XPO7: variants seen among roughly 807,000 people sequenced by gnomAD.
The protein encoded by XPO7 is exportin 7, also known as exportin-7.
A neutral mutation model predicts 144.3 loss-of-function variants in XPO7; 21 were observed. The ratio of observed to expected loss-of-function variants is 0.15; its 90% CI spans 0.10 to 0.21. The LOEUF is 0.21. XPO7 is among the 10% of genes least tolerant of loss of function. XPO7 has a pLI of 1.00. For missense variants in XPO7, 808 were observed against 1,325.8 expected, an observed-to-expected ratio of 0.61 and a Z score of 6.06; for synonymous variants, 580 against 499.6, an observed-to-expected ratio of 1.16 and a Z score of -2.15.
rs1438812845 is a variant in XPO7, at chr8:21,985,917, A to G, written c.1577+226A>G. On this transcript the variant is annotated intron_variant, in intron 13 of 27. Coordinates refer to ENST00000252512, the MANE Select transcript of XPO7 (RefSeq NM_015024.5). The stretch of plus-strand genomic sequence containing the variant: ...GAAATAATGGATACGGAATTAGGAA[A>G]ACTAAAGCAGAGATTCTCTGTTAGG... 4.6e-5 allele frequency among the ~76,000 whole-genome samples: 7 copies of G among 152,248 alleles called. No individual in the cohort carries two copies. The East Asian group carries it at 1.2e-3, about 25-fold the overall frequency.
At chr8:22,003,415 CGGT>C (rs752973678) in intron 26 of XPO7, 98 bp downstream of exon 26, 145 of 905,654 alleles carry the variant, frequency 1.6e-4, no homozygotes, top group Middle Eastern at 1.6e-3. Flanking sequence ...AAACACCCCA[CGGT>C]GGTGAAACAG....
chr8:21,981,992 T>C, intron 10 of XPO7, 115 bp downstream of exon 10: 1 of 1,379,672 alleles, frequency 7.2e-7, no homozygotes, highest in Non-Finnish European at 1.0e-6. Context: ...ATAAGTCCAG[T>C]ATAGCCCTAC....
At chr8:21,933,395 C>T (rs1001230227) in intron 1 of XPO7, among the ~76,000 whole-genome samples, 4 of 151,766 alleles carry the variant, frequency 2.6e-5, no homozygotes, top group African/African-American at 4.8e-5. Context: ...CCACTGCGCC[C>T]GGCCCCTCCT....
At chr8:21,939,776 A>G (rs1388265025) in intron 1 of XPO7, among the ~76,000 whole-genome samples, 4 of 152,242 alleles carry the variant, frequency 2.6e-5, no homozygotes, top group African/African-American at 9.6e-5. Flanking sequence ...AGACCAAATC[A>G]TAACATGCTT....
intron 23 of XPO7, 29 bp downstream of exon 23, chr8:21,999,334 T>G (rs1450000390): frequency 6.2e-7 from 1 of 1,610,108 alleles, no homozygotes; most frequent in Non-Finnish European, 8.5e-7. Context: ...TGCCACAATC[T>G]TGTTCCTCAT....
At chr8:21,995,332 T>C (rs1812910644) in intron 20 of XPO7, among the ~76,000 whole-genome samples, 160 bp from the exon 21 acceptor site, 1 of 152,218 alleles carries the variant, frequency 6.6e-6, no homozygotes, top group Non-Finnish European at 1.5e-5. Context: ...AAAATCACTT[T>C]AGTATCTTCT....
chr8:21,977,577 T>C (rs915727296), intron 7 of XPO7, among the ~76,000 whole-genome samples, 193 bp from the exon 8 acceptor site: 1 of 151,790 alleles, frequency 6.6e-6, no homozygotes, highest in Non-Finnish European at 1.5e-5. Context: ...AGAGGGAGAC[T>C]CCGTCTCAAA....
At chr8:21,957,867 G>A (rs6996876) in intron 1 of XPO7, among the ~76,000 whole-genome samples, 30,161 of 151,750 alleles carry the variant, frequency 0.2, 4,233 homozygotes, top group African/African-American at 0.4. Flanking sequence ...ACAACTGTAA[G>A]GTCCTTTCCG....
chr8:21,951,069 C>G (rs1001295514), intron 1 of XPO7, among the ~76,000 whole-genome samples: 1 of 151,982 alleles, frequency 6.6e-6, no homozygotes, highest in African/African-American at 2.4e-5. Context: ...GTACTCCAGC[C>G]TGGGCGACAG....
Position 21,989,821 on chromosome 8 carries a change from C to CTTTTTTTTTTTTTT in XPO7, c.1869-490_1869-477dup, listed in dbSNP as rs1170364778. ...AATAGGAGTTTGGTATAGGTGTTTC[C>CTTTTTTTTTTTTTT]TTTTTTTTTTTTTTTTTTTTTTTTT... On this transcript the variant is annotated intron_variant, in intron 16 of 27. Coordinates refer to ENST00000252512, the MANE Select transcript of XPO7 (RefSeq NM_015024.5). 6.3e-3 allele frequency among the ~76,000 whole-genome samples: 377 copies of CTTTTTTTTTTTTTT among 59,708 alleles called. 123 individuals carry two copies. The highest frequency in any genetic ancestry group is 0.011 in the Non-Finnish European group (293 of 27,888). The allele number at this position is 59,708 out of a possible 152,430, so 39.2% of individuals were successfully genotyped here.
chr8:21,975,322 G>T (rs911186280), intron 6 of XPO7, among the ~76,000 whole-genome samples: 2 of 152,340 alleles, frequency 1.3e-5, no homozygotes, highest in Non-Finnish European at 1.5e-5. Context: ...ACCTGGAGGA[G>T]TAGACAGTAT....
chr8:21,999,319 T>C lies in XPO7; in HGVS notation c.2643+14T>C. 2 of 1,612,004 alleles carry C rather than the reference T, an allele frequency of 1.2e-6. No individual in the cohort carries two copies. The highest frequency in any genetic ancestry group is 1.7e-6 in the Non-Finnish European group (2 of 1,179,542). ...AGTGATCTCTTGGTAAGCCTTACGC[T>C]GCATTGCCACAATCTTGTTCCTCAT... is the stretch of plus-strand genomic sequence containing the variant. On this transcript the variant is annotated intron_variant, in intron 23 of 27. Transcript: ENST00000252512.
intron 10 of XPO7, 35 bp from the exon 11 acceptor site, chr8:21,982,605 A>G (rs368274573): frequency 6.2e-5 from 95 of 1,540,484 alleles, no homozygotes; most frequent in Non-Finnish European, 7.9e-5. Flanking sequence ...TACAGAAATG[A>G]AAAATATGCC....
chr8:21,993,947 C>G (rs909043120), intron 19 of XPO7, among the ~76,000 whole-genome samples: 1 of 151,388 alleles, frequency 6.6e-6, no homozygotes, highest in African/African-American at 2.4e-5. Flanking sequence ...CTCTGTCTCT[C>G]TCTCCGCCCC....
At chr8:21,985,441 A>G (rs1478376462) in intron 12 of XPO7, 145 bp from the exon 13 acceptor site, 2 of 747,484 alleles carry the variant, frequency 2.7e-6, no homozygotes, top group African/African-American at 1.7e-5. Context: ...TGCCCTTACC[A>G]AAGCAGAGAA....
chr8:21,954,709 C>T (rs1484227051), intron 1 of XPO7, among the ~76,000 whole-genome samples: 2 of 152,120 alleles, frequency 1.3e-5, no homozygotes, highest in Admixed American at 6.6e-5. Context: ...TGCAGTGTAG[C>T]TTACATGAGA....
intron 6 of XPO7, among the ~76,000 whole-genome samples, chr8:21,975,130 G>C (rs1812185554): frequency 6.6e-6 from 1 of 152,230 alleles, no homozygotes; most frequent in South Asian, 2.1e-4. Flanking sequence ...TGGTGCGAAA[G>C]CATGTTAGTT....
At chr8:21,923,097 A>G (rs1259813776) in intron 1 of XPO7, among the ~76,000 whole-genome samples, 1 of 152,250 alleles carries the variant, frequency 6.6e-6, no homozygotes, top group African/African-American at 2.4e-5. Flanking sequence ...CCATTTTGAA[A>G]AGGGAGTTCC....
chr8:21,936,486 G>A (rs1315155389), intron 1 of XPO7, among the ~76,000 whole-genome samples: 1 of 152,096 alleles, frequency 6.6e-6, no homozygotes, highest in Non-Finnish European at 1.5e-5. Flanking sequence ...TCTAAAGATA[G>A]TCTCAAAAGA....
Sources: gnomAD v4.1 joint callset for allele counts (sites outside exome capture counted in the v4.1 genomes callset) on GRCh38, gnomAD v4.1.1 for gene constraint, MANE v1.5 for transcripts, NCBI Gene and HGNC (gene_info 2026-07-23, HGNC 2026-07-21) for gene names.